Variants in SNX4 observed in about 807,000 individuals in gnomAD.
SNX4 encodes the protein sorting nexin 4.
A neutral mutation model predicts 70.8 loss-of-function variants in SNX4; 49 were observed. That is an observed-to-expected ratio of 0.69 (90% CI 0.55 to 0.88). The LOEUF is 0.88. SNX4 is among the 40% of genes least tolerant of loss of function. SNX4 has a pLI of 0.00. For synonymous variants in SNX4, 206 were observed against 183.8 expected (o/e 1.12, Z -0.98); for missense variants, 528 against 544.8 (o/e 0.97, Z 0.31).
intron 2 of SNX4, among the ~76,000 whole-genome samples, chr3:125,503,244 T>G (rs2107564516): frequency 6.6e-6 from 1 of 152,294 alleles, no homozygotes; most frequent in South Asian, 2.1e-4. Flanking sequence ...CTATCAACAA[T>G]TCTCTCATAT....
chr3:125,473,597 T>C (rs905168077), intron 8 of SNX4, among the ~76,000 whole-genome samples: 3 of 152,260 alleles, frequency 2.0e-5, no homozygotes, highest in Non-Finnish European at 4.4e-5. Flanking sequence ...GTATTTTTAG[T>C]AGAGATGAGG....
chr3:125,456,966 AT>A (rs34007570), intron 11 of SNX4, among the ~76,000 whole-genome samples: 74,844 of 148,922 alleles, frequency 0.5, 19,424 homozygotes, highest in African/African-American at 0.67. Context: ...CAGCCCAATA[AT>A]TTTTTTTTTT....
At chr3:125,456,388 T>A (rs549305603) in intron 11 of SNX4, among the ~76,000 whole-genome samples, 107 of 152,108 alleles carry the variant, frequency 7.0e-4, no homozygotes, top group Non-Finnish European at 1.3e-3. Flanking sequence ...AGACTAGGCA[T>A]GGTGGCTTAC....
intron 6 of SNX4, among the ~76,000 whole-genome samples, chr3:125,480,709 T>G (rs999845017): frequency 2.6e-5 from 4 of 152,216 alleles, no homozygotes; most frequent in Admixed American, 6.6e-5. Context: ...TTCCCTCATC[T>G]ATTAACTGCC....
At chr3:125,454,849 CAG>C (rs562147851) in intron 11 of SNX4, among the ~76,000 whole-genome samples, 86 of 152,254 alleles carry the variant, frequency 5.6e-4, no homozygotes, top group East Asian at 5.2e-3. Context: ...TTTATTTTTA[CAG>C]AGTCATAGCC....
At chr3:125,519,962 C>T in intron 1 of SNX4, 70 bp downstream of exon 1, 2 of 1,320,236 alleles carry the variant, frequency 1.5e-6, no homozygotes, top group Non-Finnish European at 2.0e-6. Flanking sequence ...CAGCCCAGCC[C>T]AGCCCAGCCC....
At chr3:125,451,755 T>G (rs2107838829) in intron 12 of SNX4, among the ~76,000 whole-genome samples, 1 of 152,030 alleles carries the variant, frequency 6.6e-6, no homozygotes, top group Non-Finnish European at 1.5e-5. Context: ...GCCTCCTGAG[T>G]AGCTGGGATT....
intron 12 of SNX4, among the ~76,000 whole-genome samples, chr3:125,453,025 A>G (rs1035998607): frequency 6.6e-6 from 1 of 152,208 alleles, no homozygotes; most frequent in Non-Finnish European, 1.5e-5. Flanking sequence ...GCCTTGGTCT[A>G]TTCACTGACT....
chr3:125,473,845 T>C (rs1002356358), intron 8 of SNX4, among the ~76,000 whole-genome samples: 5 of 152,220 alleles, frequency 3.3e-5, no homozygotes, highest in African/African-American at 1.2e-4. Flanking sequence ...CCCTTGAGTC[T>C]CTTGTAGACT....
intron 7 of SNX4, among the ~76,000 whole-genome samples, chr3:125,478,993 C>T (rs1051914284): frequency 7.9e-5 from 12 of 152,158 alleles, no homozygotes; most frequent in Non-Finnish European, 1.8e-4. Context: ...AAGAGTCCAA[C>T]GATACTCTTG....
At chr3:125,472,215 T>C (rs1293541465) in intron 8 of SNX4, among the ~76,000 whole-genome samples, 1 of 152,212 alleles carries the variant, frequency 6.6e-6, no homozygotes. Context: ...AAAAAGCTGA[T>C]AAAACCAGCT....
intron 2 of SNX4, among the ~76,000 whole-genome samples, chr3:125,501,521 G>A (rs897261486): frequency 3.9e-5 from 6 of 152,172 alleles, no homozygotes; most frequent in Middle Eastern, 3.4e-3. Context: ...TTGGGAAGCT[G>A]AGGTGGGAGA....
At chr3:125,474,747 A>G (rs1934253292) in intron 8 of SNX4, among the ~76,000 whole-genome samples, 1 of 152,206 alleles carries the variant, frequency 6.6e-6, no homozygotes, top group Non-Finnish European at 1.5e-5. Context: ...CAACCAATTG[A>G]TCTTTTGTCT....
At chr3:125,453,131 C>CTAAG in intron 12 of SNX4, among the ~76,000 whole-genome samples, 2 of 152,300 alleles carry the variant, frequency 1.3e-5, no homozygotes, top group Middle Eastern at 6.8e-3. Context: ...CAATTACATG[C>CTAAG]TAAGCCCTAT....
intron 6 of SNX4, among the ~76,000 whole-genome samples, chr3:125,481,055 T>A (rs1934399727): frequency 2.0e-5 from 3 of 152,162 alleles, no homozygotes; most frequent in Non-Finnish European, 4.4e-5. Context: ...ATTAACACCC[T>A]GTCAATATCC....
At chr3:125,498,217 T>A (rs1253982736) in intron 2 of SNX4, 23 bp from the exon 3 acceptor site, 1 of 1,591,666 alleles carries the variant, frequency 6.3e-7, no homozygotes, top group East Asian at 2.2e-5. Flanking sequence ...AGAACAACAC[T>A]TGTTATTTTT....
intron 5 of SNX4, among the ~76,000 whole-genome samples, chr3:125,496,379 T>A (rs1174637927): frequency 6.6e-6 from 1 of 152,074 alleles, no homozygotes; most frequent in Non-Finnish European, 1.5e-5. Context: ...CAGAAAAAAA[T>A]TTTCCTCCTT....
At chr3:125,464,697 G>A (rs1333526917) in intron 9 of SNX4, among the ~76,000 whole-genome samples, 1 of 147,626 alleles carries the variant, frequency 6.8e-6, no homozygotes, top group Non-Finnish European at 1.5e-5. Flanking sequence ...TCAGCCTCCC[G>A]AGTAGCTGGG....
chr3:125,461,891 G>A (rs1276904623), intron 9 of SNX4, among the ~76,000 whole-genome samples: 1 of 152,116 alleles, frequency 6.6e-6, no homozygotes, highest in African/African-American at 2.4e-5. Flanking sequence ...TCGATCTCCT[G>A]ACCCACTCGC....
Sources: gnomAD v4.1 joint callset for allele counts (sites outside exome capture counted in the v4.1 genomes callset) on GRCh38, gnomAD v4.1.1 for gene constraint, MANE v1.5 for transcripts, NCBI Gene and HGNC (gene_info 2026-07-23, HGNC 2026-07-21) for gene names.